PLEKHG7: variants seen among roughly 807,000 people sequenced by gnomAD.
The protein encoded by PLEKHG7 is pleckstrin homology and RhoGEF domain containing G7.
PLEKHG7 carries 77 observed loss-of-function variants against 85.2 expected under a neutral mutation model. The observed-to-expected ratio is 0.90, with a 90% CI of 0.75 to 1.09. The LOEUF (loss-of-function observed/expected upper bound fraction) is 1.09. PLEKHG7 is among the 50% of genes least tolerant of loss of function. The pLI, the probability that PLEKHG7 is intolerant of heterozygous loss-of-function variation, is 0.00. For synonymous variants in PLEKHG7, 301 were observed against 302.4 expected (o/e 1.00, Z 0.05); for missense variants, 777 against 804.3 (o/e 0.97, Z 0.41).
intron 7 of PLEKHG7, 109 bp from the exon 8 acceptor site, chr12:92,740,744 A>G (rs1872329349): frequency 1.4e-6 from 1 of 696,804 alleles, no homozygotes; most frequent in Admixed American, 2.5e-5. Flanking sequence ...TGATTTCTCC[A>G]TTGTTTTGTA....
At chr12:92,744,911 G>A (rs894572107) in intron 9 of PLEKHG7, among the ~76,000 whole-genome samples, 33 of 152,134 alleles carry the variant, frequency 2.2e-4, no homozygotes, top group Middle Eastern at 3.4e-3. Context: ...CAGGCAATCC[G>A]CCTGCCTCAC....
intron 5 of PLEKHG7, among the ~76,000 whole-genome samples, chr12:92,732,566 A>T (rs899761094): frequency 2.6e-5 from 4 of 152,258 alleles, no homozygotes; most frequent in Non-Finnish European, 4.4e-5. Flanking sequence ...CTTGCTGCTT[A>T]GAAAGCAGCT....
At position 92,707,000 on chromosome 12, in the gene PLEKHG7, G is replaced by C. The variant is rs200496714; in HGVS notation, c.369G>C (p.Glu123Asp). The C allele has an allele frequency of 2.5e-6, 4 of 1,613,928 alleles. No individual in the cohort carries two copies. In the African/African-American group the frequency reaches 5.3e-5, roughly 22 times the overall value. Residue 123 changes from glutamate to aspartate, a missense_variant, in exon 2 of 17, where the codon GAG becomes GAC. Around this residue, in one of 3 missense-constraint regions of PLEKHG7, gnomAD observed 252 missense variants for 241.9 expected, o/e 1.04. Transcript: ENST00000344636. ...ERALNAADSL[E>D]PQTRPTDKYL... ...CCCTGAATGCAGCTGACTCACTGGA[G>C]CCCCAAACCCGGCCCACTGACAAGT...
chr12:92,719,197 T>A (rs1473261515), intron 3 of PLEKHG7, among the ~76,000 whole-genome samples: 4 of 152,206 alleles, frequency 2.6e-5, no homozygotes, highest in Non-Finnish European at 4.4e-5. Context: ...CCAAGAGAAC[T>A]GTAGTTCAAT....
At chr12:92,737,985 C>T (rs1051988944) in intron 7 of PLEKHG7, among the ~76,000 whole-genome samples, 2 of 152,186 alleles carry the variant, frequency 1.3e-5, no homozygotes, top group Admixed American at 6.5e-5. Context: ...TTGCACACTC[C>T]TGAGCCAGGG....
chr12:92,740,100 G>T (rs1404201568), intron 7 of PLEKHG7, among the ~76,000 whole-genome samples: 2 of 152,164 alleles, frequency 1.3e-5, no homozygotes, highest in African/African-American at 2.4e-5. Flanking sequence ...ATTGGAGAAG[G>T]TTATCTATCT....
intron 3 of PLEKHG7, among the ~76,000 whole-genome samples, chr12:92,715,566 C>T (rs949542625): frequency 3.3e-5 from 5 of 152,132 alleles, no homozygotes; most frequent in African/African-American, 1.2e-4. Context: ...CCACATGTCT[C>T]TGCAGTCTTT....
Position 92,740,865 on chromosome 12 carries a change from A to T in PLEKHG7, c.952A>T (p.Thr318Ser). Residue 318 changes from threonine (T) to serine (S), a missense_variant, in exon 8 of 17, where the codon ACA (threonine) becomes TCA (serine). Transcript: ENST00000344636. Reference protein sequence around the residue: ...LLVLKMIFMNTLRYLQTHEYL... With the variant: ...LLVLKMIFMNSLRYLQTHEYL... The stretch of plus-strand genomic sequence containing the variant: ...TTTTATTTCAAAGATCTTTATGAAT[A>T]CACTAAGATATCTGCAAACTCATGA... 6.2e-7 allele frequency: 1 copy of T among 1,600,390 alleles called. No homozygotes were observed. Among genetic ancestry groups the T allele is most frequent in the Non-Finnish European group, 8.5e-7 (1 of 1,169,904 alleles).
intron 9 of PLEKHG7, among the ~76,000 whole-genome samples, chr12:92,743,207 C>A (rs1191436680): frequency 6.6e-6 from 1 of 152,148 alleles, no homozygotes; most frequent in Non-Finnish European, 1.5e-5. Context: ...TGGAACATTA[C>A]CATTTGGAGA....
At chr12:92,741,074 A>G (rs1872342285) in intron 8 of PLEKHG7, 126 bp downstream of exon 8, 1 of 601,862 alleles carries the variant, frequency 1.7e-6, no homozygotes, top group Non-Finnish European at 2.8e-6. Context: ...TCAGGACTTC[A>G]GGTTAATAAG....
At chr12:92,732,524 T>C (rs1418841398) in intron 5 of PLEKHG7, among the ~76,000 whole-genome samples, 1 of 152,206 alleles carries the variant, frequency 6.6e-6, no homozygotes, top group African/African-American at 2.4e-5. Flanking sequence ...GCAATCCTAA[T>C]ATAGTGATGC....
At position 92,761,643 on chromosome 12, in the gene PLEKHG7, A is replaced by AAAGAAAGG. The variant is rs1565797585; in HGVS notation, c.1637-102_1637-101insGAAGAAAG. The AAAGAAAGG allele has an allele frequency of 3.0e-5, 16 of 533,052 alleles. No individual in the cohort carries two copies. In the African/African-American group the frequency reaches 4.6e-4, roughly 15 times the overall value. 33.0% of individuals were successfully genotyped at this position (533,052 alleles called of 1,614,324 possible). A position where few individuals can be genotyped will look rare whatever the true frequency, so the allele number is the denominator to read the frequency against. ...AGAAAGAAGAAAGAAAGAAAGAAAG[A>AAAGAAAGG]AAGAAAGAAAGAAAGAAAGAAAGAA... On this transcript the variant is annotated intron_variant, in intron 13 of 16. Transcript: ENST00000344636.
chr12:92,721,514 G>A (rs367993835), intron 3 of PLEKHG7: 11 of 1,229,246 alleles, frequency 8.9e-6, no homozygotes, highest in African/African-American at 1.6e-5. Context: ...TTGGGGCAAC[G>A]CAACTCAGGG....
rs778956715 is a variant in PLEKHG7, at chr12:92,741,458, G to A, written c.1036-33G>A. ...GTTTATTCCTTAACCCTGGGTGTGT[G>A]CCTATTTTTGTTTTCTTTCTCTCTG... On this transcript the variant is annotated intron_variant, in intron 8 of 16. Coordinates refer to ENST00000344636, the MANE Select transcript of PLEKHG7 (RefSeq NM_001377329.1). The A allele has an allele frequency of 2.6e-5, 37 of 1,426,734 alleles. No individual in the cohort carries two copies. In the Middle Eastern group the frequency reaches 8.8e-4, roughly 34 times the overall value. The allele number at this position is 1,426,734 out of a possible 1,614,324, so 88.4% of individuals were successfully genotyped here. A position where few individuals can be genotyped will look rare whatever the true frequency, so the allele number is the denominator to read the frequency against.
Position 92,707,132 on chromosome 12 carries a change from T to C in PLEKHG7, c.501T>C (p.Ser167=). ...CCAGCCCCACCCTACGACACCCTAG[T>C]CCTCAGGTAACACAGCTCTAAGCCT... ...FLPSPTLRHP[S]PQGEELHPSR... Residue 167 remains serine, a synonymous_variant, in exon 2 of 17, where the codon AGT becomes AGC. Coordinates refer to ENST00000344636, the MANE Select transcript of PLEKHG7 (RefSeq NM_001377329.1). The C allele has an allele frequency of 6.2e-7, 1 of 1,612,324 alleles. No individual in the cohort carries two copies. Among genetic ancestry groups the C allele is most frequent in the South Asian group, 1.1e-5 (1 of 90,840 alleles).
chr12:92,730,748 T>G (rs776547783), intron 4 of PLEKHG7, among the ~76,000 whole-genome samples: 1 of 152,212 alleles, frequency 6.6e-6, no homozygotes, highest in Non-Finnish European at 1.5e-5. Context: ...GTTCTGCAGG[T>G]GATTTTGATG....
chr12:92,750,682 G>A (rs566583567), intron 10 of PLEKHG7, among the ~76,000 whole-genome samples: 4 of 152,282 alleles, frequency 2.6e-5, no homozygotes, highest in East Asian at 1.9e-4. Flanking sequence ...GCACTGGAAC[G>A]CTGCTGCCCG....
At chr12:92,738,815 T>C (rs1872261003) in intron 7 of PLEKHG7, among the ~76,000 whole-genome samples, 1 of 152,240 alleles carries the variant, frequency 6.6e-6, no homozygotes, top group South Asian at 2.1e-4. Flanking sequence ...AGTTATTTTC[T>C]GTAAGTAATA....
intron 6 of PLEKHG7, 36 bp downstream of exon 6, chr12:92,736,613 T>C (rs1275262685): frequency 4.2e-6 from 5 of 1,182,428 alleles, no homozygotes; most frequent in Non-Finnish European, 5.3e-6. Context: ...GGTTTGACTT[T>C]TTCTTTTCGT....
Sources: gnomAD v4.1 joint callset for allele counts (sites outside exome capture counted in the v4.1 genomes callset) on GRCh38, gnomAD v4.1.1 for gene constraint, gnomAD v4.1.1 regional missense constraint, MANE v1.5 for transcripts, NCBI Gene and HGNC (gene_info 2026-07-23, HGNC 2026-07-21) for gene names.